PRSS55: variants seen among roughly 807,000 people sequenced by gnomAD.
PRSS55 encodes the protein serine protease 55.
A neutral mutation model predicts 23.6 loss-of-function variants in PRSS55; 41 were observed. The ratio of observed to expected loss-of-function variants is 1.74; its 90% CI spans 1.35 to 2.26. PRSS55 has a LOEUF of 2.26. PRSS55 is among the 30% of genes most tolerant of loss of function. The pLI is 0.00. For synonymous variants in PRSS55, 262 were observed against 175.5 expected, an observed-to-expected ratio of 1.49 and a Z score of -3.90; for missense variants, 669 against 439.1, an observed-to-expected ratio of 1.52 and a Z score of -4.68.
chr8:10,526,976 G>A (rs977715657), intron 1 of PRSS55, among the ~76,000 whole-genome samples: 9 of 152,188 alleles, frequency 5.9e-5, no homozygotes, highest in African/African-American at 1.9e-4. Context: ...CACGTGCCAT[G>A]TTCTGCATCT....
At chr8:10,548,008 C>G (rs1377425826) in intron 4 of PRSS55, among the ~76,000 whole-genome samples, 1 of 152,096 alleles carries the variant, frequency 6.6e-6, no homozygotes, top group Non-Finnish European at 1.5e-5. Context: ...CCCCAGGTCA[C>G]AGGGAAGGCC....
chr8:10,541,379 G>A (rs1348300369), downstream of PRSS55: 2 of 152,158 alleles, frequency 1.3e-5, no homozygotes, highest in Non-Finnish European at 2.9e-5. Flanking sequence ...AAAATGATTG[G>A]CCTCCCCACA....
At chr8:10,527,382 A>C (rs1304552613) in intron 1 of PRSS55, among the ~76,000 whole-genome samples, 1 of 152,258 alleles carries the variant, frequency 6.6e-6, no homozygotes, top group Non-Finnish European at 1.5e-5. Context: ...GAATCAGCCC[A>C]CAAGCATGTT....
rs950555223 is a variant in PRSS55, at chr8:10,538,464, C to G, written c.742-12C>G. The G allele has an allele frequency of 4.4e-6, 7 of 1,601,868 alleles. No homozygotes were observed. Among genetic ancestry groups the G allele is most frequent in the Admixed American group, 1.7e-5 (1 of 59,376 alleles). ...ACCGGACTCCCTGCTGAGCTGTGTT[C>G]TCTGCCCACAGGGTGACAGTGGGGG... On this transcript the variant is annotated splice_polypyrimidine_tract_variant and intron_variant, in intron 4 of 4. Transcript: ENST00000328655.
chr8:10,541,614 C>T (rs1190465446), downstream of PRSS55: 1 of 151,934 alleles, frequency 6.6e-6, no homozygotes, highest in Non-Finnish European at 1.5e-5. Flanking sequence ...ATATTTATAT[C>T]ATCTATATCT....
At chr8:10,548,771 GC>G (rs35179947) in intron 4 of PRSS55, among the ~76,000 whole-genome samples, 85,485 of 151,876 alleles carry the variant, frequency 0.56, 25,196 homozygotes, top group South Asian at 0.71. Context: ...GGGCTCCCGT[GC>G]CCCCCTCCAG....
chr8:10,546,104 G>C (rs1302610257), intron 4 of PRSS55, among the ~76,000 whole-genome samples: 1 of 152,242 alleles, frequency 6.6e-6, no homozygotes, highest in East Asian at 1.9e-4. Context: ...ATGCCCAGGG[G>C]AACTAGGCTC....
downstream of PRSS55, among the ~76,000 whole-genome samples, chr8:10,539,222 A>C (rs1241913521): frequency 2.0e-5 from 3 of 152,142 alleles, no homozygotes; most frequent in African/African-American, 7.2e-5. Flanking sequence ...TGTTCTAGGA[A>C]GTTAGTCTCT....
chr8:10,544,180 C>T (rs955322062), intron 4 of PRSS55, among the ~76,000 whole-genome samples: 2 of 151,996 alleles, frequency 1.3e-5, no homozygotes, highest in African/African-American at 4.8e-5. Flanking sequence ...TCATTTTTTG[C>T]TTCCAATATT....
chr8:10,547,249 G>A (rs1812840055), intron 4 of PRSS55, among the ~76,000 whole-genome samples: 2 of 152,154 alleles, frequency 1.3e-5, no homozygotes, highest in African/African-American at 4.8e-5. Context: ...GTCCAGGCGT[G>A]CGCCAGCCGG....
At chr8:10,546,009 G>A (rs1308545787) in intron 4 of PRSS55, among the ~76,000 whole-genome samples, 3 of 152,056 alleles carry the variant, frequency 2.0e-5, no homozygotes, top group African/African-American at 4.8e-5. Context: ...CAGATGCTGC[G>A]TGAGCAGCTG....
chr8:10,552,137 A>T (rs948721268), intron 4 of PRSS55, among the ~76,000 whole-genome samples: 5 of 152,216 alleles, frequency 3.3e-5, no homozygotes, highest in Non-Finnish European at 5.9e-5. Context: ...GCTACTGGTT[A>T]TGAGGAACCT....
At position 10,538,496 on chromosome 8, in the gene PRSS55, G is replaced by C; in HGVS notation, c.762G>C (p.Leu254=). Residue 254 remains leucine (L), a synonymous_variant, in exon 5 of 5, where the codon CTG becomes CTC. Coordinates refer to ENST00000328655, the MANE Select transcript of PRSS55 (RefSeq NM_198464.4). ...CACAGGGTGACAGTGGGGGGCCTCT[G>C]GTCTGCACCCCAGAGCCTGGTGAGA... is the stretch of plus-strand genomic sequence containing the variant. ...DACKGDSGGP[L]VCTPEPGEKW... is the part of the protein sequence containing the mutation. The C allele has an allele frequency of 6.2e-7, 1 of 1,613,560 alleles. No individual in the cohort carries two copies. Among genetic ancestry groups the C allele is most frequent in the Non-Finnish European group, 8.5e-7 (1 of 1,179,816 alleles).
chr8:10,525,817 G>C (rs1050681367), intron 1 of PRSS55, 78 bp downstream of exon 1: 1 of 1,456,900 alleles, frequency 6.9e-7, no homozygotes, highest in East Asian at 2.5e-5. Flanking sequence ...GGATCGCAGA[G>C]CACAAGGCCA....
chr8:10,535,389 G>C (rs866370169), intron 4 of PRSS55, among the ~76,000 whole-genome samples: 2 of 152,096 alleles, frequency 1.3e-5, no homozygotes, highest in African/African-American at 4.8e-5. Context: ...AATGAAATAG[G>C]TTAGAGAACC....
At chr8:10,533,192 G>A in intron 4 of PRSS55, 144 bp downstream of exon 4, 1 of 888,606 alleles carries the variant, frequency 1.1e-6, no homozygotes, top group Non-Finnish European at 1.7e-6. Flanking sequence ...ATGAGAATGA[G>A]TATGTGGATT....
intron 4 of PRSS55, among the ~76,000 whole-genome samples, chr8:10,548,498 G>A (rs1812874600): frequency 6.6e-6 from 1 of 152,070 alleles, no homozygotes; most frequent in Admixed American, 6.5e-5. Flanking sequence ...CTGTGGCACC[G>A]CGGGGCTGCA....
chr8:10,541,675 TC>T (rs1276194931), downstream of PRSS55: 1 of 152,274 alleles, frequency 6.6e-6, no homozygotes, highest in Non-Finnish European at 1.5e-5. Context: ...TCCTGTTTTT[TC>T]TGGAAAACCT....
downstream of PRSS55, among the ~76,000 whole-genome samples, chr8:10,543,221 G>C (rs1473145651): frequency 3.3e-5 from 5 of 152,028 alleles, no homozygotes; most frequent in East Asian, 9.7e-4. Context: ...CAGGCTCTTT[G>C]AGATTAGCAG....
Sources: allele counts gnomAD v4.1 joint callset (sites outside exome capture counted in the v4.1 genomes callset), GRCh38; gene constraint gnomAD v4.1.1; transcripts MANE v1.5; gene names NCBI Gene and HGNC (gene_info 2026-07-23, HGNC 2026-07-21).